The following GALP variants were observed in gnomAD, a reference collection of about 807,000 sequenced individuals.
GALP encodes galanin-like peptide.
GALP carries 12 observed loss-of-function variants against 15.2 expected under a neutral mutation model. The observed-to-expected ratio is 0.79, with a 90% CI of 0.51 to 1.28. The LOEUF (loss-of-function observed/expected upper bound fraction) is 1.28, where lower values mean the gene tolerates loss of function less well. GALP is among the 50% of genes most tolerant of loss of function. The probability of loss-of-function intolerance (pLI) is 0.00; values close to 1 mark genes in which losing one functional copy is unlikely to be tolerated. For synonymous variants in GALP, 58 were observed against 55.1 expected (o/e 1.05, Z -0.23); for missense variants, 161 against 145.6 (o/e 1.11, Z -0.55).
chr19:56,180,097 G>C (rs1382434215), intron 2 of GALP, among the ~76,000 whole-genome samples: 1 of 152,066 alleles, frequency 6.6e-6, no homozygotes, highest in East Asian at 1.9e-4. Flanking sequence ...ATTTTTTGTA[G>C]AGGCGAGATT....
chr19:56,181,074 C>G (rs274173), intron 3 of GALP, among the ~76,000 whole-genome samples: 113,075 of 151,398 alleles, frequency 0.75, 43,278 homozygotes, highest in East Asian at 0.94. Flanking sequence ...ATTATAGGTG[C>G]CCAACAGCAC....
rs753577841 is a variant in GALP at position 56,185,291 on chromosome 19, C to T, written c.*21C>T. ...CATAGATGTCTTCAAATCCCTGTTCCTATCCTTCTTCTCCAGCTCCTCCTG... is the reference window on the plus strand; with the variant it reads ...CATAGATGTCTTCAAATCCCTGTTCTTATCCTTCTTCTCCAGCTCCTCCTG... On this transcript the variant is annotated 3_prime_UTR_variant, in exon 6 of 6. Transcript: ENST00000357330. 6.6e-6 allele frequency: 10 copies of T among 1,519,316 alleles called. No homozygotes were observed. The East Asian group carries it at 2.1e-4, about 31-fold the overall frequency. The allele number at this position is 1,519,316 out of a possible 1,614,324, so 94.1% of individuals were successfully genotyped here.
At chr19:56,182,054 C>T (rs532952637) in intron 3 of GALP, 118 bp from the exon 4 acceptor site, 32 of 751,926 alleles carry the variant, frequency 4.3e-5, no homozygotes, top group South Asian at 3.0e-4. Context: ...GCACCCCGTC[C>T]GACAGACTTG....
Position 56,178,521 on chromosome 19 carries a change from CAAAAAAAA to C in GALP, c.87+1340_87+1347del, listed in dbSNP as rs80223966. Among the ~76,000 whole-genome samples, 467 of 85,776 alleles carry C rather than the reference CAAAAAAAA, an allele frequency of 5.4e-3. 4 individuals are homozygous for C. Among genetic ancestry groups the C allele is most frequent in the African/African-American group, 0.019 (444 of 22,836 alleles). 56.3% of individuals were successfully genotyped at this position (85,776 alleles called of 152,430 possible). A position where few individuals can be genotyped will look rare whatever the true frequency, so the allele number is the denominator to read the frequency against. Reference sequence around the variant, plus strand: ...AGAAAAGAAATGCTAACAACAACAACAAAAAAAAAAAAAAAAAAAAAGAGACGCCGGCT... The same window carrying C: ...AGAAAAGAAATGCTAACAACAACAACAAAAAAAAAAAAAGAGACGCCGGCT... On this transcript the variant is annotated intron_variant, in intron 2 of 5. Transcript: ENST00000357330.
chr19:56,179,408 C>T (rs945390875), intron 2 of GALP, among the ~76,000 whole-genome samples: 22 of 149,616 alleles, frequency 1.5e-4, no homozygotes, highest in South Asian at 2.1e-4. Flanking sequence ...CCCAGGTTCA[C>T]GCCATTCTCG....
rs751204520 is a variant in GALP, at chr19:56,182,213, G to A, written c.178G>A (p.Glu60Lys). Residue 60 changes from glutamate (E) to lysine (K), a missense_variant, in exon 4 of 6, where the codon GAG (glutamate) becomes AAG (lysine). Physicochemically the swap from Glu to Lys is moderately conservative, Grantham distance 56. Transcript: ENST00000357330. ...AATGGGTGACCAAGACGGAAAGAGG[G>A]AGACAGCCCTTGAGATCCTAGACCT... ...PQMGDQDGKR[E>K]TALEILDLWK... 1.2e-6 allele frequency: 2 copies of A among 1,614,062 alleles called. No homozygotes were observed. Among genetic ancestry groups the A allele is most frequent in the Non-Finnish European group, 1.7e-6 (2 of 1,179,914 alleles).
At chr19:56,180,437 A>T (rs903299423) in intron 2 of GALP, 149 bp from the exon 3 acceptor site, 4 of 648,604 alleles carry the variant, frequency 6.2e-6, no homozygotes, top group Non-Finnish European at 1.1e-5. Context: ...GGAAGTCCTC[A>T]ATTTCCTCAT....
Position 56,180,600 on chromosome 19 carries a change from G to T in GALP, c.102G>T (p.Trp34Cys), listed in dbSNP as rs144813750. The change falls in exon 3 of 6, where the codon TGG becomes TGT. Residue 34 changes from tryptophan (W) to cysteine (C), a missense_variant. Coordinates refer to ENST00000357330, the MANE Select transcript of GALP (RefSeq NM_033106.4). ...TCTCTATCCAGGGACGAGGAGGCTGGACCCTCAATAGTGCTGGCTACCTTC... is the reference window on the plus strand; with the variant it reads ...TCTCTATCCAGGGACGAGGAGGCTGTACCCTCAATAGTGCTGGCTACCTTC... ...SAPAHRGRGG[W>C]TLNSAGYLLG... is the part of the protein sequence containing the mutation. 3.1e-5 allele frequency: 50 copies of T among 1,614,012 alleles called. No individual in the cohort carries two copies. The African/African-American group carries it at 5.9e-4, about 19-fold the overall frequency.
intron 1 of GALP, 111 bp from the exon 2 acceptor site, chr19:56,176,959 T>A: frequency 1.7e-6 from 1 of 595,974 alleles, no homozygotes; most frequent in Non-Finnish European, 3.0e-6. Flanking sequence ...TGTGCGCCAT[T>A]TTTGTATCTC....
At chr19:56,179,561 G>A (rs1042459375) in intron 2 of GALP, among the ~76,000 whole-genome samples, 4 of 151,304 alleles carry the variant, frequency 2.6e-5, no homozygotes, top group African/African-American at 9.7e-5. Context: ...CTCGTGATCC[G>A]CCAGCCTTGG....
chr19:56,176,873 G>A (rs1053055244), intron 1 of GALP, among the ~76,000 whole-genome samples, 197 bp from the exon 2 acceptor site: 2 of 128,400 alleles, frequency 1.6e-5, no homozygotes, highest in Non-Finnish European at 3.2e-5. Flanking sequence ...GACCAGGTCG[G>A]CCTGATCCGA....
chr19:56,184,818 ATGTCCTTAT>A (rs2032628573), intron 5 of GALP, among the ~76,000 whole-genome samples: 1 of 152,066 alleles, frequency 6.6e-6, no homozygotes. Context: ...TGGAGACGCC[ATGTCCTTAT>A]TTCAACAGCA....
At chr19:56,182,807 A>C (rs187988) in intron 4 of GALP, among the ~76,000 whole-genome samples, 79,839 of 151,982 alleles carry the variant, frequency 0.53, 21,298 homozygotes, top group South Asian at 0.6. Flanking sequence ...ATCTGCCCCC[A>C]TCAGTCTCCC....
intron 5 of GALP, among the ~76,000 whole-genome samples, chr19:56,184,195 A>G (rs1254173356): frequency 6.6e-6 from 1 of 152,074 alleles, no homozygotes; most frequent in Non-Finnish European, 1.5e-5. Context: ...ATCTCAGGTG[A>G]TCTGCCCGCC....
chr19:56,182,274 C>T lies in GALP; in HGVS notation c.217+22C>T, dbSNP rs274174. The T allele has an allele frequency of 1.2e-4, 195 of 1,572,854 alleles. 1 individual carries two copies. Among genetic ancestry groups the T allele is most frequent in the South Asian group, 9.3e-4 (84 of 90,270 alleles). On this transcript the variant is annotated intron_variant, in intron 4 of 5. Transcript: ENST00000357330. ...ATCGGTGAGTGAGCGGGGAGTTAGA[C>T]GTCTTCTCCTGCGTCCTCCCCTGCG...
chr19:56,177,066 G>A lies in GALP; in HGVS notation c.-39-4G>A. On this transcript the variant is annotated splice_region_variant and splice_polypyrimidine_tract_variant and intron_variant, in intron 1 of 5. Transcript: ENST00000357330. ...GAAAATGACTGGCCGCTCTCTCCTT[G>A]CAGCGTGTTCCGCAGCTGTAGGCAC... The A allele has an allele frequency of 6.8e-7, 1 of 1,478,292 alleles. No individual in the cohort carries two copies. The highest frequency in any genetic ancestry group is 9.4e-7 in the Non-Finnish European group (1 of 1,065,318). The allele number at this position is 1,478,292 out of a possible 1,614,324, so 91.6% of individuals were successfully genotyped here.
intron 2 of GALP, among the ~76,000 whole-genome samples, chr19:56,179,117 C>T (rs932537070): frequency 2.7e-5 from 4 of 150,820 alleles, no homozygotes; most frequent in South Asian, 2.1e-4. Flanking sequence ...GCGGAGGTTG[C>T]GGTGAGCCAA....
intron 3 of GALP, among the ~76,000 whole-genome samples, chr19:56,181,395 CTTTTT>C (rs10656072): frequency 2.5e-5 from 2 of 81,314 alleles, no homozygotes; most frequent in African/African-American, 1.2e-4. Flanking sequence ...TCTCTCTCTC[CTTTTT>C]TTTTTTTTTT....
intron 5 of GALP, 120 bp from the exon 6 acceptor site, chr19:56,185,095 G>A: frequency 1.5e-6 from 1 of 668,192 alleles, no homozygotes; most frequent in Non-Finnish European, 2.7e-6. Flanking sequence ...GAGGTCAGGA[G>A]TTCAAGACCA....
Sources: allele counts gnomAD v4.1 joint callset (sites outside exome capture counted in the v4.1 genomes callset), GRCh38; gene constraint gnomAD v4.1.1; transcripts MANE v1.5; gene names NCBI Gene and HGNC (gene_info 2026-07-23, HGNC 2026-07-21).